Variants in PHACTR1 observed in about 807,000 individuals in gnomAD.
The protein encoded by PHACTR1 is RPEL repeat containing 1.
A neutral mutation model predicts 69.2 loss-of-function variants in PHACTR1; 16 were observed. That is an observed-to-expected ratio of 0.23 (90% confidence interval 0.16 to 0.35). The LOEUF (loss-of-function observed/expected upper bound fraction) is 0.35, where lower values mean the gene tolerates loss of function less well. Among genes scored for constraint, PHACTR1 ranks in the 10% least tolerant of loss-of-function variants. The pLI, the probability that PHACTR1 is intolerant of heterozygous loss-of-function variation, is 1.00. For missense variants in PHACTR1, 510 were observed against 734.7 expected, an observed-to-expected ratio of 0.69 and a Z score of 3.54; for synonymous variants, 312 against 284.5, an observed-to-expected ratio of 1.10 and a Z score of -0.97.
intron 7 of PHACTR1, among the ~76,000 whole-genome samples, chr6:13,192,844 T>C (rs1259284591): frequency 1.3e-5 from 2 of 152,206 alleles, no homozygotes; most frequent in Non-Finnish European, 2.9e-5. Flanking sequence ...AGAGAAGCCC[T>C]GTTGCTGAAG....
chr6:12,969,846 C>T (rs969255663), intron 4 of PHACTR1, among the ~76,000 whole-genome samples: 1 of 152,096 alleles, frequency 6.6e-6, no homozygotes, highest in African/African-American at 2.4e-5. Flanking sequence ...GCCTATAATC[C>T]CAGCTACTCA....
intron 4 of PHACTR1, among the ~76,000 whole-genome samples, chr6:12,820,496 G>A (rs570859393): frequency 6.6e-6 from 1 of 152,124 alleles, no homozygotes; most frequent in Non-Finnish European, 1.5e-5. Context: ...TGTTTCTAAT[G>A]GTCTAAGTAC....
intron 10 of PHACTR1, among the ~76,000 whole-genome samples, chr6:13,234,454 G>T (rs758718219): frequency 6.6e-6 from 1 of 152,134 alleles, no homozygotes; most frequent in African/African-American, 2.4e-5. Flanking sequence ...ATGTGGCCAA[G>T]TCTGTGGTCC....
At chr6:13,258,539 A>G (rs1307256188) in intron 10 of PHACTR1, among the ~76,000 whole-genome samples, 1 of 152,198 alleles carries the variant, frequency 6.6e-6, no homozygotes, top group Non-Finnish European at 1.5e-5. Flanking sequence ...ATGCTGTAGC[A>G]AGAGGACCAG....
chr6:12,842,152 G>T (rs777304913), intron 4 of PHACTR1, among the ~76,000 whole-genome samples: 1 of 152,150 alleles, frequency 6.6e-6, no homozygotes, highest in South Asian at 2.1e-4. Context: ...GAGAACAAAT[G>T]ATGCCTGTTT....
intron 4 of PHACTR1, among the ~76,000 whole-genome samples, chr6:13,029,169 T>TA (rs1802102942): frequency 1.3e-5 from 2 of 152,258 alleles, no homozygotes; most frequent in African/African-American, 4.8e-5. Context: ...GTGTTGGGGT[T>TA]AGAGTTTGAA....
chr6:12,976,657 G>A (rs1020563620), intron 4 of PHACTR1, among the ~76,000 whole-genome samples: 5 of 152,114 alleles, frequency 3.3e-5, no homozygotes, highest in South Asian at 2.1e-4. Context: ...ATTTCACTCC[G>A]TTCTGATATT....
At chr6:12,989,147 A>C (rs1695089964) in intron 4 of PHACTR1, among the ~76,000 whole-genome samples, 1 of 152,212 alleles carries the variant, frequency 6.6e-6, no homozygotes, top group Non-Finnish European at 1.5e-5. Context: ...GTGAAATACT[A>C]ATACAAAAGG....
chr6:13,280,172 A>C (rs1203235917), intron 12 of PHACTR1: 1 of 152,178 alleles, frequency 6.6e-6, no homozygotes, highest in Non-Finnish European at 1.5e-5. Flanking sequence ...CCATCTCCCT[A>C]GGGTAGGTGA....
At chr6:12,946,756 G>A (rs1790712710) in intron 4 of PHACTR1, among the ~76,000 whole-genome samples, 1 of 151,638 alleles carries the variant, frequency 6.6e-6, no homozygotes, top group African/African-American at 2.4e-5. Flanking sequence ...ATGGTAGAGG[G>A]CTCAGAGTCA....
At chr6:13,210,118 C>A (rs1488756956) in intron 8 of PHACTR1, among the ~76,000 whole-genome samples, 2 of 152,210 alleles carry the variant, frequency 1.3e-5, no homozygotes, top group Non-Finnish European at 2.9e-5. Context: ...AGCAATTCTC[C>A]CACCTCAGCC....
chr6:12,801,274 AG>A (rs1380521638), intron 4 of PHACTR1, among the ~76,000 whole-genome samples: 1 of 152,204 alleles, frequency 6.6e-6, no homozygotes, highest in East Asian at 1.9e-4. Context: ...TTGTTGATAA[AG>A]CCTCATTGTG....
chr6:12,994,455 G>A (rs927452643), intron 4 of PHACTR1, among the ~76,000 whole-genome samples: 1 of 151,972 alleles, frequency 6.6e-6, no homozygotes, highest in African/African-American at 2.4e-5. Flanking sequence ...GAAGGGTGTG[G>A]AAAAAATTAG....
chr6:12,888,267 G>A (rs1448912618), intron 4 of PHACTR1, among the ~76,000 whole-genome samples: 1 of 151,918 alleles, frequency 6.6e-6, no homozygotes, highest in African/African-American at 2.4e-5. Context: ...CTCCTTCTAC[G>A]ACATGAGCAT....
At chr6:12,892,949 T>G (rs1784301691) in intron 4 of PHACTR1, among the ~76,000 whole-genome samples, 2 of 151,950 alleles carry the variant, frequency 1.3e-5, no homozygotes, top group South Asian at 4.2e-4. Context: ...GACCTTGAAG[T>G]AATGGTGGGA....
intron 10 of PHACTR1, chr6:13,272,081 C>G (rs1050034495): frequency 6.6e-6 from 1 of 152,276 alleles, no homozygotes; most frequent in African/African-American, 2.4e-5. Context: ...ACAGATGTCT[C>G]TGTTCCTGCT....
At chr6:13,122,026 C>A (rs569260462) in intron 5 of PHACTR1, among the ~76,000 whole-genome samples, 3 of 152,116 alleles carry the variant, frequency 2.0e-5, no homozygotes, top group Non-Finnish European at 4.4e-5. Flanking sequence ...AGTATTATGA[C>A]ATGCCACACA....
intron 5 of PHACTR1, among the ~76,000 whole-genome samples, chr6:13,095,608 CAT>C (rs1047707954): frequency 6.6e-6 from 1 of 152,124 alleles, no homozygotes; most frequent in Non-Finnish European, 1.5e-5. Context: ...AGACTCAAAA[CAT>C]AAATCTGCTC....
intron 5 of PHACTR1, among the ~76,000 whole-genome samples, chr6:13,066,111 A>G (rs1808583502): frequency 6.6e-6 from 1 of 152,174 alleles, no homozygotes; most frequent in South Asian, 2.1e-4. Flanking sequence ...CAGACTAAAG[A>G]CTATGGAAAT....
Sources: gnomAD v4.1 joint callset for allele counts (sites outside exome capture counted in the v4.1 genomes callset) on GRCh38, gnomAD v4.1.1 for gene constraint, MANE v1.5 for transcripts, NCBI Gene and HGNC (gene_info 2026-07-23, HGNC 2026-07-21) for gene names.